Variants in EPHA3 observed in about 807,000 individuals in gnomAD.
The protein encoded by EPHA3 is EPH receptor A3, also known as ephrin type-A receptor 3.
Under a neutral mutation model 107.1 loss-of-function variants are expected in EPHA3, and 42 were observed. The ratio of observed to expected loss-of-function variants is 0.39; its 90% CI spans 0.31 to 0.51. EPHA3 has a LOEUF of 0.51. Ranked by LOEUF, EPHA3 falls within the 20% of genes least tolerant of loss-of-function variation. The pLI is 0.78. For synonymous variants in EPHA3, 461 were observed against 424.8 expected (o/e 1.09, Z -1.05); for missense variants, 1,183 against 1,211.2 (o/e 0.98, Z 0.35).
intron 3 of EPHA3, among the ~76,000 whole-genome samples, chr3:89,221,973 A>G (rs1704388095): frequency 6.6e-6 from 1 of 152,120 alleles, no homozygotes; most frequent in Non-Finnish European, 1.5e-5. Flanking sequence ...AATTAGCATA[A>G]CATCTCTTTC....
At chr3:89,136,289 A>T (rs1056565998) in intron 2 of EPHA3, among the ~76,000 whole-genome samples, 1 of 132,232 alleles carries the variant, frequency 7.6e-6, no homozygotes. Context: ...TCAAGGAAGG[A>T]TGTCTGATTA....
At chr3:89,408,011 G>T (rs760923321) in intron 8 of EPHA3, 56 bp from the exon 9 acceptor site, 85 of 1,495,198 alleles carry the variant, frequency 5.7e-5, no homozygotes, top group Non-Finnish European at 7.6e-5. Flanking sequence ...CTGAGCATAG[G>T]TAACTATTTT....
chr3:89,201,156 A>T (rs1439906052), intron 2 of EPHA3, among the ~76,000 whole-genome samples: 2 of 152,174 alleles, frequency 1.3e-5, no homozygotes, highest in Non-Finnish European at 2.9e-5. Context: ...AAGCCAGCAT[A>T]TCCTACATGG....
chr3:89,129,660 A>T (rs1438360205), intron 2 of EPHA3, among the ~76,000 whole-genome samples: 1 of 149,844 alleles, frequency 6.7e-6, no homozygotes, highest in Non-Finnish European at 1.5e-5. Flanking sequence ...ATGTATGGTA[A>T]GTTTAGGTTT....
intron 2 of EPHA3, among the ~76,000 whole-genome samples, chr3:89,160,770 CA>C (rs1161484630): frequency 1.3e-5 from 2 of 152,060 alleles, no homozygotes; most frequent in African/African-American, 4.8e-5. Context: ...GGAAATCCAT[CA>C]GCAAAATTTT....
At chr3:89,220,343 T>A (rs1305679058) in intron 3 of EPHA3, among the ~76,000 whole-genome samples, 1 of 152,136 alleles carries the variant, frequency 6.6e-6, no homozygotes, top group Non-Finnish European at 1.5e-5. Flanking sequence ...GCATATAAAG[T>A]CTTACTAACT....
intron 2 of EPHA3, among the ~76,000 whole-genome samples, chr3:89,140,956 G>A (rs79838907): frequency 1.8e-4 from 27 of 151,614 alleles, no homozygotes; most frequent in African/African-American, 5.8e-4. Flanking sequence ...TAGTGCTTTC[G>A]ATATATCATT....
At chr3:89,384,062 G>A (rs1017962327) in intron 5 of EPHA3, among the ~76,000 whole-genome samples, 2 of 151,854 alleles carry the variant, frequency 1.3e-5, no homozygotes, top group East Asian at 3.9e-4. Flanking sequence ...GTCCCTCCTC[G>A]ATCTTTGGAG....
intron 5 of EPHA3, among the ~76,000 whole-genome samples, chr3:89,377,438 A>T (rs560711832): frequency 1.3e-5 from 2 of 152,298 alleles, no homozygotes; most frequent in African/African-American, 4.8e-5. Context: ...AATCCATTTA[A>T]CAGTTATTCC....
chr3:89,281,537 G>A (rs1356946916), intron 3 of EPHA3, among the ~76,000 whole-genome samples: 1 of 152,072 alleles, frequency 6.6e-6, no homozygotes, highest in African/African-American at 2.4e-5. Context: ...ATGTACAAAT[G>A]TACAGCCAGA....
In EPHA3 at chr3:89,207,879, A is replaced by G. The variant is rs112325379; in HGVS notation, c.154-1981A>G. 5.5e-3 allele frequency among the ~76,000 whole-genome samples: 844 copies of G among 152,300 alleles called. 8 individuals are homozygous for G. Among genetic ancestry groups the G allele is most frequent in the African/African-American group, 0.02 (814 of 41,566 alleles). On this transcript the variant is annotated intron_variant, in intron 2 of 16. Transcript: ENST00000336596. ...AGTTTTGTGCTCCATACTACAGTGAATATGAAGAGACCTGCCTAAAATTTA... is the reference window on the plus strand; with the variant it reads ...AGTTTTGTGCTCCATACTACAGTGAGTATGAAGAGACCTGCCTAAAATTTA...
At chr3:89,320,436 G>T (rs537262645) in intron 3 of EPHA3, among the ~76,000 whole-genome samples, 2 of 152,102 alleles carry the variant, frequency 1.3e-5, no homozygotes, top group East Asian at 3.9e-4. Context: ...GAAACTAAAG[G>T]TGACTACAGG....
intron 2 of EPHA3, among the ~76,000 whole-genome samples, chr3:89,191,366 G>C (rs542187107): frequency 6.6e-6 from 1 of 151,404 alleles, no homozygotes; most frequent in Admixed American, 6.6e-5. Flanking sequence ...GAGTGCTGTG[G>C]CACGATCTCG....
intron 15 of EPHA3, among the ~76,000 whole-genome samples, chr3:89,456,868 G>A (rs1333128170): frequency 2.6e-5 from 4 of 152,158 alleles, no homozygotes; most frequent in South Asian, 2.1e-4. Flanking sequence ...AACAATAACC[G>A]TGTGTGAGAC....
At chr3:89,352,743 A>G (rs566034287) in intron 5 of EPHA3, among the ~76,000 whole-genome samples, 7 of 150,236 alleles carry the variant, frequency 4.7e-5, no homozygotes, top group Non-Finnish European at 8.9e-5. Context: ...GTCTCTACAA[A>G]AATACAAAAA....
intron 3 of EPHA3, among the ~76,000 whole-genome samples, chr3:89,272,810 AAAG>A (rs1371098556): frequency 1.3e-5 from 2 of 151,974 alleles, no homozygotes. Flanking sequence ...TGGGATAATG[AAAG>A]AACTTATTTT....
At chr3:89,159,099 T>A (rs1704866541) in intron 2 of EPHA3, among the ~76,000 whole-genome samples, 1 of 152,172 alleles carries the variant, frequency 6.6e-6, no homozygotes, top group Non-Finnish European at 1.5e-5. Flanking sequence ...ATGTCTGGCA[T>A]ATTTTCAAAT....
chr3:89,147,990 A>C (rs969014904), intron 2 of EPHA3, among the ~76,000 whole-genome samples: 1 of 151,932 alleles, frequency 6.6e-6, no homozygotes, highest in African/African-American at 2.4e-5. Context: ...AGGAGAGTAA[A>C]ACACCATGAG....
intron 3 of EPHA3, among the ~76,000 whole-genome samples, chr3:89,260,606 A>G (rs1705389920): frequency 1.3e-5 from 2 of 152,070 alleles, no homozygotes; most frequent in African/African-American, 2.4e-5. Context: ...GTTGTGTGAT[A>G]TATTTTTCCA....
Sources: allele counts gnomAD v4.1 joint callset (sites outside exome capture counted in the v4.1 genomes callset), GRCh38; gene constraint gnomAD v4.1.1; transcripts MANE v1.5; gene names NCBI Gene and HGNC (gene_info 2026-07-23, HGNC 2026-07-21).